The following PDE4A variants were observed in gnomAD, a reference collection of about 807,000 sequenced individuals.
PDE4A encodes 3',5'-cyclic-AMP phosphodiesterase 4A.
In PDE4A, 21 loss-of-function variants were observed where a neutral mutation model predicts 73.9. The observed-to-expected ratio is 0.28, with a 90% CI of 0.20 to 0.41. The LOEUF is 0.41. PDE4A is among the 10% of genes least tolerant of loss of function. The pLI is 1.00. For missense variants in PDE4A, 958 were observed against 1,211.4 expected (o/e 0.79, Z 3.10); for synonymous variants, 463 against 505.4 (o/e 0.92, Z 1.13).
intron 1 of PDE4A, chr19:10,428,872 C>T (rs189827276): frequency 3.0e-6 from 3 of 985,372 alleles, no homozygotes; most frequent in Non-Finnish European, 2.4e-6. Context: ...GTGGCTCACA[C>T]GGGTGGATCA....
intron 1 of PDE4A, among the ~76,000 whole-genome samples, chr19:10,434,882 T>C (rs1199517317): frequency 6.8e-6 from 1 of 146,840 alleles, no homozygotes; most frequent in Non-Finnish European, 1.5e-5. Context: ...TGAGCCACTG[T>C]GCCCAGCTTT....
Position 10,461,512 on chromosome 19 carries a change from G to T in PDE4A, c.1466-14G>T. ...ACACGTGGGCCCTCCCCTGACCTCC[G>T]GGCTGGGCTGCAGATTCGGAGCTGG... On this transcript the variant is annotated splice_polypyrimidine_tract_variant and intron_variant, in intron 11 of 14. Coordinates refer to ENST00000380702, the MANE Select transcript of PDE4A (RefSeq NM_001111307.2). The T allele has an allele frequency of 6.2e-7, 1 of 1,613,142 alleles. No individual in the cohort carries two copies. Among genetic ancestry groups the T allele is most frequent in the Non-Finnish European group, 8.5e-7 (1 of 1,179,780 alleles).
chr19:10,448,646 A>C (rs1173052525), intron 2 of PDE4A, among the ~76,000 whole-genome samples: 1 of 151,260 alleles, frequency 6.6e-6, no homozygotes, highest in African/African-American at 2.4e-5. Flanking sequence ...AAAAAAAAAA[A>C]AACACCCAAC....
intron 1 of PDE4A, among the ~76,000 whole-genome samples, chr19:10,441,681 G>GTTTTTTTT (rs1200442230): frequency 1.5e-5 from 2 of 131,790 alleles, no homozygotes; most frequent in African/African-American, 3.0e-5. Context: ...GTCATTTTGA[G>GTTTTTTTT]TTATTTTTTT....
chr19:10,461,738 G>A, intron 12 of PDE4A, 58 bp downstream of exon 12: 1 of 1,599,942 alleles, frequency 6.3e-7, no homozygotes, highest in Non-Finnish European at 8.5e-7. Context: ...CGAGGGCTTT[G>A]GGGAGGAGTG....
intron 14 of PDE4A, among the ~76,000 whole-genome samples, chr19:10,465,223 ATT>A (rs778177208): frequency 3.0e-5 from 4 of 134,326 alleles, no homozygotes; most frequent in Admixed American, 7.5e-5. Flanking sequence ...CCCCCTCCTC[ATT>A]TTTTTTTTTT....
intron 7 of PDE4A, among the ~76,000 whole-genome samples, chr19:10,456,355 A>G (rs1038666016): frequency 2.6e-5 from 4 of 152,042 alleles, no homozygotes; most frequent in African/African-American, 9.7e-5. Context: ...GTGAAACGCC[A>G]TCTCTACTAA....
chr19:10,453,377 G>T lies in PDE4A; in HGVS notation c.784-1452G>T. On this transcript the variant is annotated intron_variant, in intron 6 of 14. Transcript: ENST00000380702. This position sits in a 1 kb window ranked among gnomAD's most constrained non-coding sequence, Gnocchi z 4.6. ...GTGGGCGGGCATCCTGGTGAGCTGG[G>T]CCCCCGGTGTGGGCTTGTGTGTGCA... is the stretch of plus-strand genomic sequence containing the variant. 6.3e-7 allele frequency: 1 copy of T among 1,587,882 alleles called. No individual in the cohort carries two copies.
At chr19:10,432,330 G>T in intron 1 of PDE4A, 2 of 1,266,498 alleles carry the variant, frequency 1.6e-6, no homozygotes, top group Non-Finnish European at 2.0e-6. Flanking sequence ...CGTGGAGGCG[G>T]TGCCGGCAGT....
In PDE4A at chr19:10,463,832, C is replaced by G. The variant is rs1298142620; in HGVS notation, c.1783C>G (p.Pro595Ala). ...GGTGCACTGTGCCGACCTCAGCAAC[C>G]CCACCAAGCCGCTGGAGCTGTACCG... ...NMVHCADLSNPTKPLELYRQW... is the reference protein window; with the variant it reads ...NMVHCADLSNATKPLELYRQW... Residue 595 changes from proline (P) to alanine (A), a missense_variant, in exon 14 of 15, where the codon CCC (proline) becomes GCC (alanine). Coordinates refer to ENST00000380702, the MANE Select transcript of PDE4A (RefSeq NM_001111307.2). 7.4e-6 allele frequency: 12 copies of G among 1,614,162 alleles called. No homozygotes were observed. The highest frequency in any genetic ancestry group is 3.3e-5 in the Admixed American group (2 of 60,008).
rs756654342 is a variant in PDE4A, at chr19:10,467,524, C to T, written c.2564C>T (p.Ala855Val). 6.2e-7 allele frequency: 1 copy of T among 1,612,678 alleles called. No individual in the cohort carries two copies. Among genetic ancestry groups the T allele is most frequent in the Non-Finnish European group, 8.5e-7 (1 of 1,179,788 alleles). ...EVEAQREHQAAKRACSACAGT... is the reference protein window; with the variant it reads ...EVEAQREHQAVKRACSACAGT... ...GAGGCCCAACGAGAGCACCAGGCTG[C>T]CAAGAGGGCTTGCAGTGCCTGCGCA... Residue 855 changes from alanine (A) to valine (V), a missense_variant, in exon 15 of 15, where the codon GCC becomes GTC. This residue lies in a region of PDE4A where 243 missense variants were observed against 245.9 expected (regional missense o/e 0.99). Coordinates refer to ENST00000380702, the MANE Select transcript of PDE4A (RefSeq NM_001111307.2).
In PDE4A at chr19:10,459,598, C is replaced by T. The variant is rs144901748; in HGVS notation, c.1204C>T (p.Arg402Trp). 197 of 1,613,518 alleles carry T rather than the reference C, an allele frequency of 1.2e-4. No individual in the cohort carries two copies. Among genetic ancestry groups the T allele is most frequent in the Non-Finnish European group, 1.6e-4 (184 of 1,179,680 alleles). Residue 402 changes from arginine (R) to tryptophan (W), a missense_variant, in exon 10 of 15, where the codon CGG becomes TGG. Transcript: ENST00000380702. ...CCCTGCCCCTGCCTGCTCTCAGGAG[C>T]GGGACCTGCTGAAGAAATTCCGCAT... ...TCIMYMIFQERDLLKKFRIPV... is the reference protein window; with the variant it reads ...TCIMYMIFQEWDLLKKFRIPV...
upstream of PDE4A, chr19:10,419,187 C>A: frequency 1.6e-6 from 1 of 615,348 alleles, no homozygotes; most frequent in Non-Finnish European, 2.0e-6. Flanking sequence ...TCCCCGGGTC[C>A]CGCAGCAGAG....
chr19:10,421,298 A>G (rs1044867656), intron 1 of PDE4A: 1 of 985,064 alleles, frequency 1.0e-6, no homozygotes, highest in Non-Finnish European at 1.2e-6. Context: ...GGGTCCATTT[A>G]GGGGGCGCCA....
rs1324499214 is a variant in PDE4A, at chr19:10,461,009, G to A, written c.1371G>A (p.Val457=). The change falls in exon 11 of 15, where the codon GTG becomes GTA. Residue 457 remains valine (V), a synonymous_variant. Coordinates refer to ENST00000380702, the MANE Select transcript of PDE4A (RefSeq NM_001111307.2). ...ATCCGTGTCTCTGCTCCCAGGCAGTGTTCACGGACCTGGAGATTCTCGCCG... is the reference window on the plus strand; with the variant it reads ...ATCCGTGTCTCTGCTCCCAGGCAGTATTCACGGACCTGGAGATTCTCGCCG... ...VLLATPALDA[V]FTDLEILAAL... The A allele has an allele frequency of 6.2e-7, 1 of 1,612,864 alleles. No homozygotes were observed. Among genetic ancestry groups the A allele is most frequent in the Non-Finnish European group, 8.5e-7 (1 of 1,179,216 alleles).
chr19:10,456,098 A>G (rs2043165983), intron 7 of PDE4A, among the ~76,000 whole-genome samples: 1 of 151,968 alleles, frequency 6.6e-6, no homozygotes, highest in African/African-American at 2.4e-5. Flanking sequence ...CAAGCTTAAG[A>G]ACCTGTAAGA....
upstream of PDE4A, chr19:10,417,447 C>T (rs746848930): frequency 2.2e-5 from 22 of 983,534 alleles, no homozygotes; most frequent in African/African-American, 3.5e-5. Context: ...AGAGGGGACC[C>T]CACAAAAATT....
At chr19:10,419,573 G>C (rs555024229), upstream of PDE4A, 2 of 152,302 alleles carry the variant, frequency 1.3e-5, no homozygotes, top group Non-Finnish European at 2.9e-5. Context: ...GCCGGCAGCT[G>C]CGGTATCCGC....
chr19:10,420,869 G>A lies in PDE4A; in HGVS notation c.105G>A (p.Arg35=). 6.3e-7 allele frequency: 1 copy of A among 1,588,724 alleles called. No individual in the cohort carries two copies. The highest frequency in any genetic ancestry group is 8.5e-7 in the Non-Finnish European group (1 of 1,175,794). ...AGCCTCCCCCGCAGCACCTGTGGCG[G>A]CAGCCTCGGACCCCCATCCGTATCC... The part of the protein sequence containing the change: ...TLKPPPQHLW[R]QPRTPIRIQQ... Residue 35 remains arginine, a synonymous_variant, in exon 1 of 15, where the codon CGG becomes CGA. Transcript: ENST00000380702. The surrounding 1 kb of genome is among the most constrained non-coding windows in gnomAD (Gnocchi z 6.0).
Sources: gnomAD v4.1 joint callset for allele counts (sites outside exome capture counted in the v4.1 genomes callset) on GRCh38, gnomAD v4.1.1 for gene constraint, gnomAD v4.1.1 regional missense constraint, Gnocchi (gnomAD v3.1) non-coding constraint, MANE v1.5 for transcripts, NCBI Gene and HGNC (gene_info 2026-07-23, HGNC 2026-07-21) for gene names.